Variants in TTC7B observed in about 807,000 individuals in gnomAD.
TTC7B encodes tetratricopeptide repeat protein 7B.
TTC7B carries 28 observed loss-of-function variants against 106.8 expected under a neutral mutation model. The observed-to-expected ratio is 0.26, with a 90% CI of 0.19 to 0.36. The LOEUF (loss-of-function observed/expected upper bound fraction) is 0.36, where lower values mean the gene tolerates loss of function less well. Among genes scored for constraint, TTC7B ranks in the 10% least tolerant of loss-of-function variants. TTC7B has a pLI of 1.00. For synonymous variants in TTC7B, 405 were observed against 430.6 expected (o/e 0.94, Z 0.74); for missense variants, 862 against 1,076.4 (o/e 0.80, Z 2.79).
chr14:90,779,569 GC>G (rs1426856038), intron 3 of TTC7B, among the ~76,000 whole-genome samples: 8 of 152,204 alleles, frequency 5.3e-5, no homozygotes, highest in Non-Finnish European at 1.0e-4. Context: ...CCTCCAAAGT[GC>G]TGGGATTACA....
chr14:90,691,003 G>A (rs1021872604), intron 6 of TTC7B, among the ~76,000 whole-genome samples: 38 of 152,100 alleles, frequency 2.5e-4, no homozygotes, highest in African/African-American at 9.2e-4. Context: ...TGAGCAATCT[G>A]TAAAGATCTC....
At chr14:90,597,894 G>A (rs1229691935) in intron 17 of TTC7B, among the ~76,000 whole-genome samples, 2 of 152,160 alleles carry the variant, frequency 1.3e-5, no homozygotes, top group African/African-American at 4.8e-5. Context: ...AGGTGGAAAT[G>A]GGCAAACTGA....
At chr14:90,560,148 A>G (rs536583421) in intron 19 of TTC7B, among the ~76,000 whole-genome samples, 2 of 152,274 alleles carry the variant, frequency 1.3e-5, no homozygotes, top group South Asian at 4.2e-4. Flanking sequence ...CCTTTCCCCC[A>G]TCACAGTTCA....
At chr14:90,573,894 C>T (rs776222665) in intron 19 of TTC7B, among the ~76,000 whole-genome samples, 11 of 152,238 alleles carry the variant, frequency 7.2e-5, no homozygotes, top group Admixed American at 2.0e-4. Context: ...CTCCCCTCCA[C>T]GCAACCTTCT....
At chr14:90,764,590 T>C (rs1238813345) in intron 3 of TTC7B, among the ~76,000 whole-genome samples, 1 of 152,078 alleles carries the variant, frequency 6.6e-6, no homozygotes, top group Non-Finnish European at 1.5e-5. Context: ...TTAGGATATA[T>C]AAAGAACTAC....
In TTC7B at chr14:90,706,409, C is replaced by T. The variant is rs1290266873; in HGVS notation, c.699-10831G>A. ...CGATCTCCTGACCTCATGATCCACCCGCCTCAGCCTCCCAAAGTGCTGGGA... is the reference window on the plus strand; with the variant it reads ...CGATCTCCTGACCTCATGATCCACCTGCCTCAGCCTCCCAAAGTGCTGGGA... On this transcript the variant is annotated intron_variant, in intron 5 of 19. Transcript: ENST00000328459. Among the ~76,000 whole-genome samples, 14 of 152,148 alleles carry T rather than the reference C, an allele frequency of 9.2e-5. No individual in the cohort carries two copies. The South Asian group carries it at 1.7e-3, about 18-fold the overall frequency.
chr14:90,701,796 GTATATATATA>G (rs138397501), intron 5 of TTC7B, among the ~76,000 whole-genome samples: 2 of 118,918 alleles, frequency 1.7e-5, no homozygotes, highest in Non-Finnish European at 1.9e-5. Context: ...GTGTGTGTGT[GTATATATATA>G]TATATATATA....
intron 1 of TTC7B, 69 bp downstream of exon 1, chr14:90,816,106 C>T: frequency 1.0e-6 from 1 of 977,382 alleles, no homozygotes; most frequent in Non-Finnish European, 1.2e-6. Flanking sequence ...CCCGGCCGCG[C>T]CTCGGGGGCC....
rs1294571 is a variant in TTC7B at position 90,539,729 on chromosome 14, A to C, written c.*1639T>G. On this transcript the variant is annotated 3_prime_UTR_variant, in exon 20 of 20. Coordinates refer to ENST00000328459, the MANE Select transcript of TTC7B (RefSeq NM_001010854.2). Reference sequence around the variant, plus strand: ...CCTACAGCTGTCCCTGAGAGACTGCAGATACCTGCTCAGTTTCTCTCTGGT... The same window carrying C: ...CCTACAGCTGTCCCTGAGAGACTGCCGATACCTGCTCAGTTTCTCTCTGGT... The C allele has an allele frequency of 0.77, 117,995 of 152,282 alleles. 45,984 individuals carry two copies. The highest frequency in any genetic ancestry group is 0.79 in the South Asian group (3,826 of 4,828). 9.4% of individuals were successfully genotyped at this position (152,282 alleles called of 1,614,324 possible). A position where few individuals can be genotyped will look rare whatever the true frequency, so the allele number is the denominator to read the frequency against.
chr14:90,736,140 T>A (rs1409121589), intron 4 of TTC7B, among the ~76,000 whole-genome samples: 1 of 149,756 alleles, frequency 6.7e-6, no homozygotes, highest in Non-Finnish European at 1.5e-5. Context: ...TGAGAAAAAT[T>A]AATTTAGAGC....
In TTC7B at chr14:90,731,032, G is replaced by A. The variant is rs540735884; in HGVS notation, c.577-836C>T. Among the ~76,000 whole-genome samples, 218 of 152,202 alleles carry A rather than the reference G, an allele frequency of 1.4e-3. 1 individual carries two copies. The highest frequency in any genetic ancestry group is 4.9e-3 in the African/African-American group (203 of 41,536). The stretch of plus-strand genomic sequence containing the variant: ...ACAATCTCAGCTCACTGCACGCTCC[G>A]CCTCCCGGGTTCACGCCATTCTCCT... On this transcript the variant is annotated intron_variant, in intron 4 of 19. Coordinates refer to ENST00000328459, the MANE Select transcript of TTC7B (RefSeq NM_001010854.2).
intron 7 of TTC7B, among the ~76,000 whole-genome samples, chr14:90,684,701 A>G (rs1269357054): frequency 6.6e-6 from 1 of 152,202 alleles, no homozygotes; most frequent in Non-Finnish European, 1.5e-5. Context: ...AGAAGTCAGG[A>G]GAGTGCTGCC....
chr14:90,592,507 GA>G (rs1566787489), intron 18 of TTC7B, among the ~76,000 whole-genome samples: 6 of 152,084 alleles, frequency 3.9e-5, no homozygotes, highest in Admixed American at 3.3e-4. Flanking sequence ...TCAGGAGTTC[GA>G]GACCAGCCTG....
intron 5 of TTC7B, among the ~76,000 whole-genome samples, chr14:90,696,942 G>A (rs1258828887): frequency 6.6e-6 from 1 of 152,208 alleles, no homozygotes; most frequent in Non-Finnish European, 1.5e-5. Flanking sequence ...AGGCAACAAA[G>A]TACATTTGCT....
chr14:90,662,393 T>C (rs1356678888), intron 9 of TTC7B, among the ~76,000 whole-genome samples: 1 of 152,218 alleles, frequency 6.6e-6, no homozygotes, highest in African/African-American at 2.4e-5. Context: ...GCAGTGCAGA[T>C]GGATAAGTTA....
intron 9 of TTC7B, among the ~76,000 whole-genome samples, chr14:90,661,118 C>T (rs547639016): frequency 2.2e-4 from 34 of 152,374 alleles, no homozygotes; most frequent in African/African-American, 8.2e-4. Context: ...AGAGAAAGCG[C>T]GTGGCCCTGA....
chr14:90,588,591 G>A (rs1225401127), intron 18 of TTC7B, among the ~76,000 whole-genome samples: 3 of 152,154 alleles, frequency 2.0e-5, no homozygotes, highest in African/African-American at 7.2e-5. Flanking sequence ...CATGTCTTGA[G>A]GTGCCACATC....
rs1219383781 is a variant in TTC7B at position 90,549,994 on chromosome 14, A to C, written c.2311-8405T>G. On this transcript the variant is annotated intron_variant, in intron 19 of 19. Coordinates refer to ENST00000328459, the MANE Select transcript of TTC7B (RefSeq NM_001010854.2). ...AGACTCGCTGTGCAATAAGATACCA[A>C]ATCATAAACCAGAACTAAGACCACG... 2.0e-5 allele frequency among the ~76,000 whole-genome samples: 3 copies of C among 152,140 alleles called. No individual in the cohort carries two copies. The East Asian group carries it at 5.8e-4, about 29-fold the overall frequency.
intron 3 of TTC7B, among the ~76,000 whole-genome samples, chr14:90,774,859 G>A (rs1484847251): frequency 6.6e-6 from 1 of 152,176 alleles, no homozygotes; most frequent in Non-Finnish European, 1.5e-5. Context: ...AGCCAACATG[G>A]TGAAACCCTG....
Sources: allele counts gnomAD v4.1 joint callset (sites outside exome capture counted in the v4.1 genomes callset), GRCh38; gene constraint gnomAD v4.1.1; transcripts MANE v1.5; gene names NCBI Gene and HGNC (gene_info 2026-07-23, HGNC 2026-07-21).